Variants in NCAM2 observed in about 807,000 individuals in gnomAD.
NCAM2 encodes neural cell adhesion molecule 2.
In NCAM2, 30 loss-of-function variants were observed where a neutral mutation model predicts 98.1. That is an observed-to-expected ratio of 0.31 (90% confidence interval 0.23 to 0.41). The LOEUF (loss-of-function observed/expected upper bound fraction) is 0.41, where lower values mean the gene tolerates loss of function less well. NCAM2 is among the 10% of genes least tolerant of loss of function. The pLI is 1.00. For synonymous variants in NCAM2, 368 were observed against 342.4 expected (o/e 1.07, Z -0.83); for missense variants, 867 against 1,005.8 (o/e 0.86, Z 1.87).
chr21:21,382,856 C>A (rs2076188750), intron 9 of NCAM2, among the ~76,000 whole-genome samples: 1 of 150,496 alleles, frequency 6.6e-6, no homozygotes. Flanking sequence ...TTTTTAAGTT[C>A]TAAAATTTCA....
intron 1 of NCAM2, among the ~76,000 whole-genome samples, chr21:21,116,191 C>T (rs187501524): frequency 1.3e-5 from 2 of 152,198 alleles, no homozygotes; most frequent in East Asian, 3.9e-4. Context: ...TCCCAGCGGA[C>T]ATGTGCTTGA....
chr21:21,235,608 A>G (rs1208079270), intron 1 of NCAM2, among the ~76,000 whole-genome samples: 1 of 152,100 alleles, frequency 6.6e-6, no homozygotes, highest in Admixed American at 6.6e-5. Flanking sequence ...TGAATATAAC[A>G]GAAAATTGAA....
chr21:21,299,814 C>T (rs2073642665), intron 5 of NCAM2, among the ~76,000 whole-genome samples: 1 of 151,896 alleles, frequency 6.6e-6, no homozygotes, highest in Admixed American at 6.6e-5. Flanking sequence ...ACAGTTGTTC[C>T]TTGGTATCTA....
At chr21:21,182,440 A>C (rs997691331) in intron 1 of NCAM2, among the ~76,000 whole-genome samples, 1 of 152,242 alleles carries the variant, frequency 6.6e-6, no homozygotes, top group African/African-American at 2.4e-5. Context: ...AATCCAGAAT[A>C]TGTGTTTTCA....
chr21:21,483,270 A>G (rs1986055225), intron 15 of NCAM2, among the ~76,000 whole-genome samples: 1 of 152,060 alleles, frequency 6.6e-6, no homozygotes, highest in South Asian at 2.1e-4. Flanking sequence ...ATTCTGTTCA[A>G]CATTTTTTAT....
Position 21,495,561 on chromosome 21 carries a change from T to C in NCAM2, c.2078-13290T>C, listed in dbSNP as rs144371684. On this transcript the variant is annotated intron_variant, in intron 15 of 17. Transcript: ENST00000400546. ...ATTTCTAGTTTGTTTTTGGTGCTGT[T>C]TGTCAATTTTGATTTGGTTGATCTA... 4.1e-3 allele frequency among the ~76,000 whole-genome samples: 621 copies of C among 152,204 alleles called. 7 individuals are homozygous for C. Among genetic ancestry groups the C allele is most frequent in the African/African-American group, 0.014 (584 of 41,560 alleles).
rs562977974 is a variant in NCAM2 at position 21,029,443 on chromosome 21, C to CTA, written c.55+30827_55+30828dup. ...TTCTGTGCTGGGATGCCTGCCAAAC[C>CTA]TATGTCTGCGGTTAACTTTTGAGGT... On this transcript the variant is annotated intron_variant, in intron 1 of 17. Coordinates refer to ENST00000400546, the MANE Select transcript of NCAM2 (RefSeq NM_004540.5). Among the ~76,000 whole-genome samples, 884 of 152,182 alleles carry CTA rather than the reference C, an allele frequency of 5.8e-3. 3 individuals carry two copies. The highest frequency in any genetic ancestry group is 0.01 in the Non-Finnish European group (705 of 68,010).
chr21:21,080,673 A>C lies in NCAM2; in HGVS notation c.55+82055A>C, dbSNP rs1309053547. On this transcript the variant is annotated intron_variant, in intron 1 of 17. Coordinates refer to ENST00000400546, the MANE Select transcript of NCAM2 (RefSeq NM_004540.5). ...TAAGATCTCAAAAAAAAAAAAAAAAAAAAAAAACCAACATTGATTCATACC... is the reference window on the plus strand; with the variant it reads ...TAAGATCTCAAAAAAAAAAAAAAAACAAAAAAACCAACATTGATTCATACC... 2.8e-3 allele frequency among the ~76,000 whole-genome samples: 405 copies of C among 146,658 alleles called. 6 individuals are homozygous for C. Among genetic ancestry groups the C allele is most frequent in the African/African-American group, 1.0e-2 (383 of 38,330 alleles).
At chr21:21,061,071 AG>A (rs1482590736) in intron 1 of NCAM2, among the ~76,000 whole-genome samples, 1 of 152,130 alleles carries the variant, frequency 6.6e-6, no homozygotes, top group African/African-American at 2.4e-5. Flanking sequence ...GGATTGTATA[AG>A]GTGTGAAAAT....
chr21:21,282,528 T>C (rs1223155785), intron 2 of NCAM2, among the ~76,000 whole-genome samples: 1 of 151,696 alleles, frequency 6.6e-6, no homozygotes, highest in African/African-American at 2.4e-5. Flanking sequence ...AATAAAGATA[T>C]TGGAAAACCA....
intron 1 of NCAM2, among the ~76,000 whole-genome samples, chr21:21,090,772 A>G (rs567021881): frequency 7.2e-5 from 11 of 152,248 alleles, no homozygotes; most frequent in Middle Eastern, 3.4e-3. Context: ...CAAGCTTGCA[A>G]TTGCTTCAAC....
At chr21:21,312,804 T>C (rs1182549691) in intron 5 of NCAM2, among the ~76,000 whole-genome samples, 2 of 151,914 alleles carry the variant, frequency 1.3e-5, no homozygotes, top group African/African-American at 4.8e-5. Context: ...TATTGTTTCT[T>C]CTTTAAATAT....
intron 9 of NCAM2, among the ~76,000 whole-genome samples, chr21:21,397,932 A>G (rs2145858457): frequency 6.6e-6 from 1 of 152,364 alleles, no homozygotes; most frequent in Middle Eastern, 3.4e-3. Flanking sequence ...CAACAATGCC[A>G]CTACTGGGTC....
At chr21:21,507,310 AT>A (rs1988043279) in intron 15 of NCAM2, among the ~76,000 whole-genome samples, 1 of 152,286 alleles carries the variant, frequency 6.6e-6, no homozygotes, top group South Asian at 2.1e-4. Context: ...AAGTTTAAAA[AT>A]ATCACATAGG....
intron 1 of NCAM2, among the ~76,000 whole-genome samples, chr21:21,229,616 A>T (rs532396033): frequency 7.9e-5 from 12 of 151,586 alleles, no homozygotes; most frequent in Middle Eastern, 3.4e-3. Context: ...TACATATGGC[A>T]ATTGCATTGT....
intron 6 of NCAM2, among the ~76,000 whole-genome samples, chr21:21,331,545 C>CAT (rs747427154): frequency 8.8e-3 from 3 of 342 alleles, no homozygotes; most frequent in East Asian, 0.05. Context: ...ACTCTATATA[C>CAT]ATATATATAT....
At chr21:21,438,701 T>A (rs1978766502) in intron 12 of NCAM2, among the ~76,000 whole-genome samples, 1 of 152,204 alleles carries the variant, frequency 6.6e-6, no homozygotes, top group Non-Finnish European at 1.5e-5. Flanking sequence ...TACACCTCAC[T>A]GGCCACTTAA....
intron 1 of NCAM2, among the ~76,000 whole-genome samples, chr21:21,020,284 C>T (rs1222506753): frequency 1.3e-5 from 2 of 152,140 alleles, no homozygotes; most frequent in African/African-American, 4.8e-5. Flanking sequence ...AATCCGCCCG[C>T]CTCGGCCTCC....
At chr21:21,193,727 C>G (rs945768135) in intron 1 of NCAM2, among the ~76,000 whole-genome samples, 3 of 151,960 alleles carry the variant, frequency 2.0e-5, no homozygotes, top group African/African-American at 4.8e-5. Context: ...ATCTGTTGAC[C>G]TCATGATCCG....
Sources: gnomAD v4.1 joint callset for allele counts (sites outside exome capture counted in the v4.1 genomes callset) on GRCh38, gnomAD v4.1.1 for gene constraint, MANE v1.5 for transcripts, NCBI Gene and HGNC (gene_info 2026-07-23, HGNC 2026-07-21) for gene names.